WWP1: variants seen among roughly 807,000 people sequenced by gnomAD.
WWP1 encodes the protein WW domain containing E3 ubiquitin protein ligase 1.
A neutral mutation model predicts 130.6 loss-of-function variants in WWP1; 49 were observed. The observed-to-expected ratio is 0.38, with a 90% CI of 0.30 to 0.48. The LOEUF is 0.48. WWP1 is among the 20% of genes least tolerant of loss of function. WWP1 has a pLI of 0.99. For synonymous variants in WWP1, 332 were observed against 367.8 expected (o/e 0.90, Z 1.11); for missense variants, 809 against 1,100.6 (o/e 0.74, Z 3.75).
At chr8:86,412,849 G>A (rs760094842) in intron 9 of WWP1, among the ~76,000 whole-genome samples, 21 of 152,036 alleles carry the variant, frequency 1.4e-4, no homozygotes, top group Non-Finnish European at 2.9e-5. Context: ...TTATTTTGGA[G>A]CAGAGTTTCA....
At chr8:86,363,810 A>AG (rs1161537373) in intron 1 of WWP1, among the ~76,000 whole-genome samples, 1 of 151,846 alleles carries the variant, frequency 6.6e-6, no homozygotes, top group Non-Finnish European at 1.5e-5. Context: ...AAAAAAAAAA[A>AG]AAAAGAAATT....
intron 5 of WWP1, among the ~76,000 whole-genome samples, chr8:86,397,602 G>A (rs951633350): frequency 9.9e-5 from 15 of 152,028 alleles, no homozygotes; most frequent in African/African-American, 3.6e-4. Flanking sequence ...ATTTCTCTAA[G>A]CCCTCACTAA....
intron 9 of WWP1, among the ~76,000 whole-genome samples, chr8:86,417,623 G>T (rs1808963736): frequency 6.6e-6 from 1 of 152,182 alleles, no homozygotes; most frequent in African/African-American, 2.4e-5. Context: ...AGAAATACTT[G>T]AAGTTAACTC....
chr8:86,360,197 A>C (rs553331839), intron 1 of WWP1, among the ~76,000 whole-genome samples: 2 of 151,958 alleles, frequency 1.3e-5, no homozygotes, highest in African/African-American at 2.4e-5. Flanking sequence ...TTTTACGCTT[A>C]TGTTTCTCTT....
intron 8 of WWP1, among the ~76,000 whole-genome samples, chr8:86,410,578 T>C (rs1440894078): frequency 6.6e-6 from 1 of 152,152 alleles, no homozygotes; most frequent in Non-Finnish European, 1.5e-5. Flanking sequence ...CCCTAGAGAT[T>C]CAGTAAGTCT....
intron 9 of WWP1, among the ~76,000 whole-genome samples, chr8:86,423,931 T>G (rs1809408076): frequency 9.8e-6 from 1 of 102,310 alleles, no homozygotes; most frequent in South Asian, 3.8e-4. Context: ...ATGGGGCGGC[T>G]GGCCGGGCGG....
intron 1 of WWP1, among the ~76,000 whole-genome samples, chr8:86,366,018 C>G (rs941609042): frequency 6.6e-6 from 1 of 152,144 alleles, no homozygotes; most frequent in Non-Finnish European, 1.5e-5. Context: ...CTTGACATAA[C>G]GTATGTGAAA....
intron 1 of WWP1, among the ~76,000 whole-genome samples, chr8:86,346,709 G>GT (rs1443735538): frequency 2.0e-5 from 3 of 152,152 alleles, no homozygotes; most frequent in African/African-American, 7.2e-5. Flanking sequence ...AAAGACTGTT[G>GT]TTTTTTACTC....
At chr8:86,438,505 A>G (rs781031567) in intron 16 of WWP1, 80 bp from the exon 17 acceptor site, 171 of 1,048,268 alleles carry the variant, frequency 1.6e-4, no homozygotes, top group Non-Finnish European at 2.2e-4. Context: ...TTTTGAAAAT[A>G]GAGATTAAAT....
intron 7 of WWP1, among the ~76,000 whole-genome samples, chr8:86,400,158 G>A (rs1219070168): frequency 2.6e-5 from 4 of 151,786 alleles, no homozygotes; most frequent in African/African-American, 9.7e-5. Context: ...GTGAAACCCC[G>A]TCTCTACTAA....
chr8:86,376,517 C>T (rs1322639626), intron 3 of WWP1, among the ~76,000 whole-genome samples: 2 of 151,612 alleles, frequency 1.3e-5, no homozygotes, highest in Non-Finnish European at 2.9e-5. Flanking sequence ...TGCAGTGAGC[C>T]GAGATGGCGT....
intron 8 of WWP1, among the ~76,000 whole-genome samples, chr8:86,409,226 CTTTTTTTTTTTTTTT>C (rs1230976832): frequency 9.9e-6 from 1 of 100,522 alleles, no homozygotes; most frequent in Non-Finnish European, 2.0e-5. Context: ...CTTTTTCTTT[CTTTTTTTTTTTTTTT>C]TTTTTTTCTT....
intron 20 of WWP1, 38 bp downstream of exon 20, chr8:86,448,551 C>T (rs754323020): frequency 1.3e-6 from 2 of 1,578,712 alleles, no homozygotes; most frequent in Non-Finnish European, 1.7e-6. Context: ...ATTTCTAGAA[C>T]ACTTCAGAAC....
At chr8:86,363,771 G>A (rs1823803953) in intron 1 of WWP1, among the ~76,000 whole-genome samples, 1 of 149,134 alleles carries the variant, frequency 6.7e-6, no homozygotes, top group Non-Finnish European at 1.5e-5. Context: ...ACTCAGCCTG[G>A]GTGACAGAGT....
intron 7 of WWP1, among the ~76,000 whole-genome samples, chr8:86,398,972 A>AT (rs1262261621): frequency 6.6e-6 from 1 of 152,046 alleles, no homozygotes; most frequent in East Asian, 1.9e-4. Flanking sequence ...GTCACTCTCC[A>AT]TTTTTCCCTG....
chr8:86,358,245 T>C (rs1188931636), intron 1 of WWP1, among the ~76,000 whole-genome samples: 3 of 152,158 alleles, frequency 2.0e-5, no homozygotes, highest in Non-Finnish European at 2.9e-5. Context: ...GAGCATGGAC[T>C]TGAATCTTAG....
chr8:86,464,863 G>T (rs1811957640), intron 24 of WWP1, among the ~76,000 whole-genome samples: 1 of 152,092 alleles, frequency 6.6e-6, no homozygotes, highest in Non-Finnish European at 1.5e-5. Context: ...ACCAAAATTT[G>T]AAGACCTCTG....
In WWP1 at chr8:86,411,882, A is replaced by G. The variant is rs1419560352; in HGVS notation, c.1061+8A>G. On this transcript the variant is annotated splice_region_variant and intron_variant, in intron 9 of 24. Coordinates refer to ENST00000517970, the MANE Select transcript of WWP1 (RefSeq NM_007013.4). ...AGAAACCTTGCCATCAGGGTATGTT[A>G]AGCTTTTTAATGTCTGACTTGCATT... The G allele has an allele frequency of 3.8e-6, 6 of 1,583,052 alleles. No homozygotes were observed. In the South Asian group the frequency reaches 6.9e-5, roughly 18 times the overall value.
intron 18 of WWP1, among the ~76,000 whole-genome samples, chr8:86,447,416 G>A (rs1234657753): frequency 6.6e-6 from 1 of 152,092 alleles, no homozygotes; most frequent in African/African-American, 2.4e-5. Context: ...ACAGGCGCGT[G>A]CCACCATGCC....
Sources: gnomAD v4.1 joint callset for allele counts (sites outside exome capture counted in the v4.1 genomes callset) on GRCh38, gnomAD v4.1.1 for gene constraint, MANE v1.5 for transcripts, NCBI Gene and HGNC (gene_info 2026-07-23, HGNC 2026-07-21) for gene names.